ZER1: variants seen among roughly 807,000 people sequenced by gnomAD.
ZER1 encodes zyg-11 related cell cycle regulator, also known as protein zer-1 homolog.
ZER1 carries 11 observed loss-of-function variants against 78.8 expected under a neutral mutation model. That is an observed-to-expected ratio of 0.14 (90% CI 0.09 to 0.23). The LOEUF (loss-of-function observed/expected upper bound fraction) is 0.23. ZER1 is among the 10% of genes least tolerant of loss of function. ZER1 has a pLI of 1.00. For missense variants in ZER1, 588 were observed against 996.9 expected (o/e 0.59, Z 5.52); for synonymous variants, 400 against 407.0 (o/e 0.98, Z 0.21).
Position 128,741,674 on chromosome 9 carries a change from C to A in ZER1, c.1618-20G>T, listed in dbSNP as rs1469784098. On this transcript the variant is annotated intron_variant, in intron 10 of 15. Transcript: ENST00000291900. ...GTCACACTGTGAGGGCAGGGCAGGG[C>A]TCAGCCAAGGCTCCTGGTACCCGGG... is the stretch of plus-strand genomic sequence containing the variant. The A allele has an allele frequency of 2.5e-6, 4 of 1,613,986 alleles. No individual in the cohort carries two copies. Among genetic ancestry groups the A allele is most frequent in the Non-Finnish European group, 3.4e-6 (4 of 1,180,020 alleles).
chr9:128,769,559 A>G (rs936646337), intron 1 of ZER1, among the ~76,000 whole-genome samples: 10 of 151,956 alleles, frequency 6.6e-5, no homozygotes, highest in Admixed American at 1.3e-4. Context: ...GATTACAGGC[A>G]TGCGTCACCA....
At chr9:128,735,757 CCTGGTTTTTTTTTTTTTTTT>C (rs1453914165) in intron 13 of ZER1, among the ~76,000 whole-genome samples, 1 of 77,404 alleles carries the variant, frequency 1.3e-5, no homozygotes, top group Admixed American at 1.5e-4. Context: ...GCACGTGTGA[CCTGGTTTTTTTTTTTTTTTT>C]TTTTTTTTTT....
chr9:128,736,230 G>A (rs1333051391), intron 13 of ZER1, among the ~76,000 whole-genome samples: 7 of 152,096 alleles, frequency 4.6e-5, no homozygotes, highest in African/African-American at 9.7e-5. Context: ...GATTATAGGC[G>A]TGAGCCACCG....
chr9:128,734,142 A>ATATATATAT (rs1372132455), intron 14 of ZER1, among the ~76,000 whole-genome samples: 3 of 19,642 alleles, frequency 1.5e-4, no homozygotes, highest in African/African-American at 2.4e-4. Flanking sequence ...AAAAAAAAAA[A>ATATATATAT]AAATATATAT....
chr9:128,752,972 A>G, intron 4 of ZER1, 123 bp from the exon 5 acceptor site: 1 of 1,361,388 alleles, frequency 7.3e-7, no homozygotes, highest in East Asian at 2.3e-5. Flanking sequence ...TCCCCAGGGC[A>G]TTCTGGGAAG....
At chr9:128,750,535 G>T in intron 8 of ZER1, 81 bp downstream of exon 8, 2 of 1,524,404 alleles carry the variant, frequency 1.3e-6, no homozygotes, top group Non-Finnish European at 1.8e-6. Context: ...CCCAGAGCCG[G>T]GGGAGCCCTA....
In ZER1 at chr9:128,756,528, C is replaced by T. The variant is rs140195120; in HGVS notation, c.-94-869G>A. ...GTCCTTCAACTGGTGAACGGATCAA[C>T]AAAATGTTACATATTCATACAGTGG... is the stretch of plus-strand genomic sequence containing the variant. On this transcript the variant is annotated intron_variant, in intron 1 of 15. Transcript: ENST00000291900. Among the ~76,000 whole-genome samples, 11 of 152,196 alleles carry T rather than the reference C, an allele frequency of 7.2e-5. No homozygotes were observed. In the East Asian group the frequency reaches 1.9e-3, roughly 27 times the overall value.
At position 128,740,573 on chromosome 9, in the gene ZER1, C is replaced by G. The variant is rs1863257056; in HGVS notation, c.1853+199G>C. 6.8e-6 allele frequency among the ~76,000 whole-genome samples: 1 copy of G among 147,106 alleles called. No individual in the cohort carries two copies. Among genetic ancestry groups the G allele is most frequent in the Non-Finnish European group, 1.5e-5 (1 of 67,464 alleles). ...TCAGCCTGGGTGACAGAGCAAGACT[C>G]CATCTCAAAAAAAAAAAAAAAGATA... On this transcript the variant is annotated intron_variant, in intron 12 of 15. Coordinates refer to ENST00000291900, the MANE Select transcript of ZER1 (RefSeq NM_006336.4). The surrounding 1 kb of genome is among the most constrained non-coding windows in gnomAD (Gnocchi z 4.4).
In ZER1 at chr9:128,740,497, G is replaced by A. The variant is rs369706819; in HGVS notation, c.1853+275C>T. 6.6e-6 allele frequency among the ~76,000 whole-genome samples: 1 copy of A among 151,762 alleles called. No individual in the cohort carries two copies. The highest frequency in any genetic ancestry group is 1.5e-5 in the Non-Finnish European group (1 of 67,950). On this transcript the variant is annotated intron_variant, in intron 12 of 15. Coordinates refer to ENST00000291900, the MANE Select transcript of ZER1 (RefSeq NM_006336.4). This position sits in a 1 kb window ranked among gnomAD's most constrained non-coding sequence, Gnocchi z 4.4. Reference sequence around the variant, plus strand: ...CGGGAGGCTGAGGCAGGAGAATGGCGTGAACCCGGGAGGCAGAGCTTGCAG... The same window carrying A: ...CGGGAGGCTGAGGCAGGAGAATGGCATGAACCCGGGAGGCAGAGCTTGCAG...
At chr9:128,756,370 G>A (rs561462965) in intron 1 of ZER1, among the ~76,000 whole-genome samples, 14 of 152,176 alleles carry the variant, frequency 9.2e-5, no homozygotes, top group African/African-American at 2.4e-4. Flanking sequence ...GGCGGAGTGC[G>A]GTGAGCCGAC....
At position 128,740,599 on chromosome 9, in the gene ZER1, T is replaced by C. The variant is rs1160849313; in HGVS notation, c.1853+173A>G. 1.3e-5 allele frequency among the ~76,000 whole-genome samples: 2 copies of C among 150,660 alleles called. No homozygotes were observed. The highest frequency in any genetic ancestry group is 3.0e-5 in the Non-Finnish European group (2 of 67,732). On this transcript the variant is annotated intron_variant, in intron 12 of 15. Coordinates refer to ENST00000291900, the MANE Select transcript of ZER1 (RefSeq NM_006336.4). This position sits in a 1 kb window ranked among gnomAD's most constrained non-coding sequence, Gnocchi z 4.4. ...CATCTCAAAAAAAAAAAAAAAGATATAATTACAAAAGGACCACTTACGAAG... is the reference window on the plus strand; with the variant it reads ...CATCTCAAAAAAAAAAAAAAAGATACAATTACAAAAGGACCACTTACGAAG...
Position 128,754,033 on chromosome 9 carries a change from T to G in ZER1, c.159-74A>C. On this transcript the variant is annotated intron_variant, in intron 2 of 15. Coordinates refer to ENST00000291900, the MANE Select transcript of ZER1 (RefSeq NM_006336.4). The surrounding 1 kb of genome is among the most constrained non-coding windows in gnomAD (Gnocchi z 4.3). ...TCCTCGCTTCAAAGCCAAGCCCTCC[T>G]CCCCCTGAAGCTTTCTTGGATCACC... 2.6e-6 allele frequency: 4 copies of G among 1,516,482 alleles called. No homozygotes were observed. The highest frequency in any genetic ancestry group is 3.6e-6 in the Non-Finnish European group (4 of 1,125,364). 93.9% of individuals were successfully genotyped at this position (1,516,482 alleles called of 1,614,324 possible). A position where few individuals can be genotyped will look rare whatever the true frequency, so the allele number is the denominator to read the frequency against.
chr9:128,756,289 T>C (rs1356492318), intron 1 of ZER1, among the ~76,000 whole-genome samples: 1 of 152,024 alleles, frequency 6.6e-6, no homozygotes, highest in Admixed American at 6.6e-5. Context: ...CTACTAAAAA[T>C]ACAGAAATTA....
At position 128,737,080 on chromosome 9, in the gene ZER1, G is replaced by T. The variant is rs573733346; in HGVS notation, c.2043-1649C>A. Among the ~76,000 whole-genome samples, 3 of 152,114 alleles carry T rather than the reference G, an allele frequency of 2.0e-5. No homozygotes were observed. The East Asian group carries it at 5.8e-4, about 29-fold the overall frequency. On this transcript the variant is annotated intron_variant, in intron 13 of 15. Coordinates refer to ENST00000291900, the MANE Select transcript of ZER1 (RefSeq NM_006336.4). ...AATCGCTTGAACCTGGGAGACGGGG[G>T]TTGCAGTGAGCCAAGATCACACCAT... is the stretch of plus-strand genomic sequence containing the variant.
intron 1 of ZER1, among the ~76,000 whole-genome samples, chr9:128,766,914 G>A: frequency 7.6e-6 from 1 of 132,112 alleles, no homozygotes; most frequent in African/African-American, 2.9e-5. Context: ...CAAAGTCACA[G>A]ATAACTTATT....
intron 8 of ZER1, among the ~76,000 whole-genome samples, chr9:128,743,230 G>A (rs1393023942): frequency 6.6e-6 from 1 of 151,350 alleles, no homozygotes; most frequent in Non-Finnish European, 1.5e-5. Context: ...CAATTCTCCT[G>A]CCTCAGCCTC....
In ZER1 at chr9:128,740,813, C is replaced by T. The variant is rs1863266660; in HGVS notation, c.1812G>A (p.Leu604=). ...ACTGGGAAGTCATTAGTTGAGGCCT[C>T]AGCTCCTTCACTTCTGCCACATTCC... ...LLGNVAEVKE[L]RPQLMTSQFI... is the part of the protein sequence containing the mutation. The change falls in exon 12 of 16, where the codon CTG becomes CTA. Residue 604 remains leucine, a synonymous_variant. Coordinates refer to ENST00000291900, the MANE Select transcript of ZER1 (RefSeq NM_006336.4). The surrounding 1 kb of genome is among the most constrained non-coding windows in gnomAD (Gnocchi z 4.4). 1.3e-6 allele frequency: 1 copy of T among 781,090 alleles called. No homozygotes were observed. Among genetic ancestry groups the T allele is most frequent in the Middle Eastern group, 2.3e-4 (1 of 4,442 alleles). The allele number at this position is 781,090 out of a possible 1,614,324, so 48.4% of individuals were successfully genotyped here. A position where few individuals can be genotyped will look rare whatever the true frequency, so the allele number is the denominator to read the frequency against.
Position 128,753,267 on chromosome 9 carries a change from C to T in ZER1, c.643G>A (p.Ala215Thr), listed in dbSNP as rs778212361. The change falls in exon 4 of 16, where the codon GCC (alanine) becomes ACC (threonine). Residue 215 changes from alanine to threonine, a missense_variant. By Grantham distance (58) the Ala-to-Thr change is moderately conservative (BLOSUM62 0). Coordinates refer to ENST00000291900, the MANE Select transcript of ZER1 (RefSeq NM_006336.4). The surrounding 1 kb of genome is among the most constrained non-coding windows in gnomAD (Gnocchi z 7.5). ...DLSGIQTSDA[A>T]FLTQWKDSLV... The stretch of plus-strand genomic sequence containing the variant: ...CTGTCTTTCCACTGGGTGAGGAAGG[C>T]GGCGTCGCTCGTCTGAATGCCTGAG... 11 of 1,602,558 alleles carry T rather than the reference C, an allele frequency of 6.9e-6. No individual in the cohort carries two copies. The South Asian group carries it at 1.1e-4, about 16-fold the overall frequency.
rs764313027 is a variant in ZER1, at chr9:128,754,802, G to A, written c.158+606C>T. The stretch of plus-strand genomic sequence containing the variant: ...GCTTCCCAAAATGCTGGAATTACAC[G>A]TGTGAGCCACCATGCCTGGCCACCA... On this transcript the variant is annotated intron_variant, in intron 2 of 15. Coordinates refer to ENST00000291900, the MANE Select transcript of ZER1 (RefSeq NM_006336.4). This position sits in a 1 kb window ranked among gnomAD's most constrained non-coding sequence, Gnocchi z 4.3. 7.9e-5 allele frequency among the ~76,000 whole-genome samples: 12 copies of A among 151,758 alleles called. No individual in the cohort carries two copies. The highest frequency in any genetic ancestry group is 1.6e-4 in the Non-Finnish European group (11 of 68,004).
Sources: allele counts gnomAD v4.1 joint callset (sites outside exome capture counted in the v4.1 genomes callset), GRCh38; gene constraint gnomAD v4.1.1; non-coding constraint Gnocchi (gnomAD v3.1); transcripts MANE v1.5; gene names NCBI Gene and HGNC (gene_info 2026-07-23, HGNC 2026-07-21).